The following TRERF1 variants were observed in gnomAD, a reference collection of about 807,000 sequenced individuals.
TRERF1 encodes the protein transcriptional-regulating factor 1.
Under a neutral mutation model 122.9 loss-of-function variants are expected in TRERF1, and 27 were observed. The observed-to-expected ratio is 0.22, with a 90% CI of 0.16 to 0.30. The LOEUF (loss-of-function observed/expected upper bound fraction) is 0.30, where lower values mean the gene tolerates loss of function less well. Ranked by LOEUF, TRERF1 falls within the 10% of genes least tolerant of loss-of-function variation. TRERF1 has a pLI of 1.00. For synonymous variants in TRERF1, 636 were observed against 641.7 expected, an observed-to-expected ratio of 0.99 and a Z score of 0.13; for missense variants, 1,248 against 1,560.3, an observed-to-expected ratio of 0.80 and a Z score of 3.37.
chr6:42,245,440 C>G (rs1774603731), intron 14 of TRERF1, among the ~76,000 whole-genome samples: 1 of 152,248 alleles, frequency 6.6e-6, no homozygotes, highest in Non-Finnish European at 1.5e-5. Flanking sequence ...TCTGTCTCAG[C>G]CAGGGGCCAG....
intron 2 of TRERF1, among the ~76,000 whole-genome samples, chr6:42,423,987 A>C (rs903041107): frequency 1.3e-5 from 2 of 152,240 alleles, no homozygotes; most frequent in Admixed American, 6.5e-5. Context: ...TGCTGTTTGG[A>C]ATATTCAAAG....
rs769390061 is a variant in TRERF1 at position 42,269,619 on chromosome 6, C to T, written c.-29G>A. The T allele has an allele frequency of 6.3e-7, 1 of 1,598,220 alleles. No individual in the cohort carries two copies. Among genetic ancestry groups the T allele is most frequent in the Non-Finnish European group, 8.5e-7 (1 of 1,170,952 alleles). On this transcript the variant is annotated 5_prime_UTR_variant, in exon 5 of 18. It introduces an in-frame stop codon into an upstream open reading frame of the 5' UTR. Transcript: ENST00000372922. The surrounding 1 kb of genome is among the most constrained non-coding windows in gnomAD (Gnocchi z 4.9). ...GTCTGCCTTGGTTGTGAACGTCCAG[C>T]CACAAAACCATAAAAAAGGTAAATA...
At chr6:42,292,626 T>G (rs1412334440) in intron 4 of TRERF1, among the ~76,000 whole-genome samples, 1 of 152,168 alleles carries the variant, frequency 6.6e-6, no homozygotes, top group Non-Finnish European at 1.5e-5. Flanking sequence ...AGGGAATTGG[T>G]GTGGCCACGG....
chr6:42,265,762 G>T (rs780876878), exon 6 of TRERF1: 1 of 1,613,280 alleles, frequency 6.2e-7, no homozygotes, highest in Admixed American at 1.7e-5. Flanking sequence ...TTGACTCAGG[G>T]GACCCTGGCT....
At chr6:42,428,239 A>T (rs925139544) in intron 2 of TRERF1, among the ~76,000 whole-genome samples, 5 of 152,206 alleles carry the variant, frequency 3.3e-5, no homozygotes, top group South Asian at 2.1e-4. Flanking sequence ...TCGGAAAACA[A>T]TTGTAGGCTC....
At chr6:42,292,968 T>C (rs951397306) in intron 4 of TRERF1, among the ~76,000 whole-genome samples, 2 of 152,238 alleles carry the variant, frequency 1.3e-5, no homozygotes, top group African/African-American at 4.8e-5. Context: ...GTATATACCA[T>C]TTCCTTACTT....
intron 15 of TRERF1, 33 bp downstream of exon 15, chr6:42,243,215 C>A: frequency 6.3e-7 from 1 of 1,586,908 alleles, no homozygotes; most frequent in Non-Finnish European, 8.7e-7. Context: ...GGAGCTGTCC[C>A]AGCACAAGCA....
chr6:42,238,683 C>T (rs1253083235), intron 15 of TRERF1, among the ~76,000 whole-genome samples: 1 of 152,066 alleles, frequency 6.6e-6, no homozygotes, highest in Non-Finnish European at 1.5e-5. Context: ...ATTTCCCAAG[C>T]ATGCAAATGG....
chr6:42,393,412 G>A lies in TRERF1; in HGVS notation c.-453-30333C>T, dbSNP rs1170889747. Among the ~76,000 whole-genome samples the A allele has an allele frequency of 1.3e-5, 2 of 152,216 alleles. No homozygotes were observed. The highest frequency in any genetic ancestry group is 2.1e-4 in the South Asian group (1 of 4,832). On this transcript the variant is annotated intron_variant, in intron 2 of 17. Coordinates refer to ENST00000372922, the Ensembl canonical transcript of TRERF1. This position sits in a 1 kb window ranked among gnomAD's most constrained non-coding sequence, Gnocchi z 4.1. ...TCATCATCCCCTCTGCCCCTGAGAA[G>A]GAGGGCTTCTCAGAGAAGTGGTTGA...
intron 3 of TRERF1, among the ~76,000 whole-genome samples, chr6:42,331,420 C>G (rs1447517902): frequency 6.6e-6 from 1 of 152,084 alleles, no homozygotes; most frequent in African/African-American, 2.4e-5. Flanking sequence ...GAGACTAAGA[C>G]CTGCAGAGAC....
chr6:42,394,091 TG>T (rs1184314686), intron 2 of TRERF1, among the ~76,000 whole-genome samples: 2 of 152,170 alleles, frequency 1.3e-5, no homozygotes, highest in African/African-American at 2.4e-5. Context: ...TTTTTAAATC[TG>T]GATTTTCAAA....
At chr6:42,307,017 G>A (rs927939130) in intron 3 of TRERF1, among the ~76,000 whole-genome samples, 3 of 152,158 alleles carry the variant, frequency 2.0e-5, no homozygotes, top group South Asian at 2.1e-4. Context: ...AAACAAGAGC[G>A]TGTAAAGCTC....
At chr6:42,401,289 C>T (rs1475750303) in intron 2 of TRERF1, among the ~76,000 whole-genome samples, 1 of 152,142 alleles carries the variant, frequency 6.6e-6, no homozygotes, top group Non-Finnish European at 1.5e-5. Flanking sequence ...ATCTCAACAC[C>T]CTTCTTTTCA....
chr6:42,382,577 T>C lies in TRERF1; in HGVS notation c.-453-19498A>G, dbSNP rs188379058. The stretch of plus-strand genomic sequence containing the variant: ...TTTCAACTAAAATTCTCCATGTTTT[T>C]CCTAGGCCTCCACACCTTTTCAGGT... On this transcript the variant is annotated intron_variant, in intron 2 of 17. Transcript: ENST00000372922. Among the ~76,000 whole-genome samples the C allele has an allele frequency of 5.3e-5, 8 of 152,236 alleles. No homozygotes were observed. In the East Asian group the frequency reaches 1.5e-3, roughly 29 times the overall value.
chr6:42,286,342 G>C (rs1372835252), intron 4 of TRERF1, among the ~76,000 whole-genome samples: 6 of 142,076 alleles, frequency 4.2e-5, no homozygotes, highest in Non-Finnish European at 9.2e-5. Flanking sequence ...ACTACCATCA[G>C]AGTGAACAGG....
intron 13 of TRERF1, among the ~76,000 whole-genome samples, chr6:42,251,370 T>C (rs149816226): frequency 6.6e-6 from 1 of 152,242 alleles, no homozygotes; most frequent in Non-Finnish European, 1.5e-5. Context: ...TTATACCAAA[T>C]TTTCATTTCC....
intron 3 of TRERF1, among the ~76,000 whole-genome samples, chr6:42,340,390 T>C (rs1302481030): frequency 6.6e-6 from 1 of 152,176 alleles, no homozygotes; most frequent in African/African-American, 2.4e-5. Context: ...GGGTTCTTTC[T>C]GGTGGCAATG....
chr6:42,374,152 AGAAGAAGAAG>A (rs1774372927), intron 2 of TRERF1, among the ~76,000 whole-genome samples: 1 of 134,528 alleles, frequency 7.4e-6, no homozygotes, highest in Non-Finnish European at 1.5e-5. Flanking sequence ...AAAAAAAAAA[AGAAGAAGAAG>A]AAGAAGAAGA....
At chr6:42,371,124 G>A (rs758716926) in intron 2 of TRERF1, among the ~76,000 whole-genome samples, 22 of 152,140 alleles carry the variant, frequency 1.4e-4, no homozygotes, top group Non-Finnish European at 1.0e-4. Flanking sequence ...GAGGGGTGGC[G>A]GAGTGCTCTA....
Sources: gnomAD v4.1 joint callset for allele counts (sites outside exome capture counted in the v4.1 genomes callset) on GRCh38, gnomAD v4.1.1 for gene constraint, Gnocchi (gnomAD v3.1) non-coding constraint, MANE v1.5 for transcripts, NCBI Gene and HGNC (gene_info 2026-07-23, HGNC 2026-07-21) for gene names.